NAV1: variants seen among roughly 807,000 people sequenced by gnomAD.
The protein encoded by NAV1 is pore membrane and/or filament interacting like protein 3.
In NAV1, 18 loss-of-function variants were observed where a neutral mutation model predicts 175.2. The ratio of observed to expected loss-of-function variants is 0.10; its 90% CI spans 0.07 to 0.15. NAV1 has a LOEUF of 0.15. Ranked by LOEUF, NAV1 falls within the 10% of genes least tolerant of loss-of-function variation. The pLI is 1.00. For missense variants in NAV1, 1,731 were observed against 2,436.6 expected, an observed-to-expected ratio of 0.71 and a Z score of 6.10; for synonymous variants, 897 against 978.7, an observed-to-expected ratio of 0.92 and a Z score of 1.56.
intron 1 of NAV1, among the ~76,000 whole-genome samples, chr1:201,705,688 C>T (rs550247598): frequency 6.6e-6 from 1 of 152,238 alleles, no homozygotes; most frequent in Non-Finnish European, 1.5e-5. Flanking sequence ...CCTGCATCCT[C>T]CATGGAAATG....
At chr1:201,756,844 CTT>C (rs1451089162) in intron 3 of NAV1, among the ~76,000 whole-genome samples, 25 of 126,254 alleles carry the variant, frequency 2.0e-4, no homozygotes, top group Non-Finnish European at 2.1e-4. Context: ...TTCTTTCTTT[CTT>C]TCTTTCTTTC....
intron 2 of NAV1, among the ~76,000 whole-genome samples, chr1:201,610,186 A>G (rs1311010717): frequency 1.3e-5 from 2 of 152,186 alleles, no homozygotes; most frequent in East Asian, 3.8e-4. Flanking sequence ...GCCCCCTGTG[A>G]TTTGTGGGAC....
intron 1 of NAV1, among the ~76,000 whole-genome samples, chr1:201,547,069 C>T (rs888910948): frequency 1.3e-4 from 19 of 151,664 alleles, no homozygotes; most frequent in African/African-American, 4.6e-4. Flanking sequence ...TCACCGTAAC[C>T]TCCGTCTCCC....
intron 1 of NAV1, among the ~76,000 whole-genome samples, chr1:201,541,465 T>A (rs968525320): frequency 6.6e-6 from 1 of 152,208 alleles, no homozygotes; most frequent in Admixed American, 6.5e-5. Flanking sequence ...GGATCTGGCT[T>A]CTTTGATAAA....
At chr1:201,652,069 G>A (rs774626178) in intron 1 of NAV1, among the ~76,000 whole-genome samples, 4 of 152,120 alleles carry the variant, frequency 2.6e-5, no homozygotes, top group Admixed American at 6.5e-5. Flanking sequence ...TCAGGTATCA[G>A]ACAGGCCCTC....
At position 201,740,092 on chromosome 1, in the gene NAV1, C is replaced by T; in HGVS notation, c.1226+21337C>T. On this transcript the variant is annotated intron_variant, in intron 3 of 29. Transcript: ENST00000367296. This position sits in a 1 kb window ranked among gnomAD's most constrained non-coding sequence, Gnocchi z 4.7. ...TCCCCCGCAGGTAAGCGCCCCCACC[C>T]CCCTGGCCTCACCGCCAGACCGCAG... 2 of 1,439,404 alleles carry T rather than the reference C, an allele frequency of 1.4e-6. No individual in the cohort carries two copies. The highest frequency in any genetic ancestry group is 1.5e-5 in the African/African-American group (1 of 67,698). 89.2% of individuals were successfully genotyped at this position (1,439,404 alleles called of 1,614,324 possible).
intron 28 of NAV1, among the ~76,000 whole-genome samples, chr1:201,815,761 G>A (rs1459070290): frequency 5.9e-5 from 9 of 152,044 alleles, no homozygotes; most frequent in Non-Finnish European, 8.8e-5. Context: ...TTTTTGAGAC[G>A]GAGTTTCACT....
At chr1:201,580,583 G>A (rs1001318673) in intron 1 of NAV1, among the ~76,000 whole-genome samples, 1 of 152,110 alleles carries the variant, frequency 6.6e-6, no homozygotes, top group Non-Finnish European at 1.5e-5. Flanking sequence ...GACCAGCCTG[G>A]CCAACATGGT....
chr1:201,823,046 C>G (rs925918831), exon 30 of NAV1: 2 of 152,616 alleles, frequency 1.3e-5, no homozygotes, highest in Admixed American at 6.5e-5. Context: ...AACACTGGGT[C>G]CCATAGCTAA....
rs35341000 is a variant in NAV1, at chr1:201,784,569, A to ATTT, written c.2805-727_2805-725dup. On this transcript the variant is annotated intron_variant, in intron 7 of 29. Coordinates refer to ENST00000367296, the Ensembl canonical transcript of NAV1. ...GTTTTTACCTACCATAATACGATCT[A>ATTT]TTTTTTTTTTTTTTTTGAGATGGGG... 5.6e-3 allele frequency among the ~76,000 whole-genome samples: 771 copies of ATTT among 136,858 alleles called. 11 individuals are homozygous for ATTT. The highest frequency in any genetic ancestry group is 0.02 in the African/African-American group (723 of 35,644). The allele number at this position is 136,858 out of a possible 152,430, so 89.8% of individuals were successfully genotyped here.
At chr1:201,793,932 C>A in intron 14 of NAV1, 57 bp downstream of exon 18, 1 of 1,442,484 alleles carries the variant, frequency 6.9e-7, no homozygotes, top group Non-Finnish European at 9.6e-7. Flanking sequence ...TTCTCCTGGA[C>A]AGAGAGGCCG....
chr1:201,658,382 G>A (rs1396833466), intron 1 of NAV1, among the ~76,000 whole-genome samples: 2 of 152,170 alleles, frequency 1.3e-5, no homozygotes, highest in East Asian at 3.9e-4. Flanking sequence ...TAGGGTGTGT[G>A]GGGGCACATG....
chr1:201,569,973 T>C (rs945740733), intron 1 of NAV1, among the ~76,000 whole-genome samples: 1 of 152,202 alleles, frequency 6.6e-6, no homozygotes, highest in African/African-American at 2.4e-5. Context: ...GTCCAGCTCC[T>C]GGGGTTATTG....
chr1:201,710,557 G>A (rs1671863173), intron 1 of NAV1, among the ~76,000 whole-genome samples: 1 of 152,116 alleles, frequency 6.6e-6, no homozygotes. Flanking sequence ...CACAGTGCTG[G>A]GATTATAGGC....
At position 201,554,575 on chromosome 1, in the gene NAV1, A is replaced by G. The variant is rs192208352; in HGVS notation, c.-144+15233A>G. Among the ~76,000 whole-genome samples the G allele has an allele frequency of 3.3e-5, 5 of 152,318 alleles. No homozygotes were observed. The East Asian group carries it at 9.6e-4, about 29-fold the overall frequency. ...TGGGAGAGACTTTTTACAAAGGAAA[A>G]CCGAACAGGACTGGATGACTGTGGA... On this transcript the variant is annotated intron_variant, in intron 1 of 33. Transcript: ENST00000685211.
intron 3 of NAV1, among the ~76,000 whole-genome samples, chr1:201,759,692 G>T (rs1340405264): frequency 6.6e-6 from 1 of 152,222 alleles, no homozygotes; most frequent in Middle Eastern, 3.2e-3. Flanking sequence ...TAAGTGAACA[G>T]CATCTTTCCA....
intron 1 of NAV1, among the ~76,000 whole-genome samples, chr1:201,705,050 C>T (rs973122326): frequency 6.6e-6 from 1 of 152,154 alleles, no homozygotes; most frequent in African/African-American, 2.4e-5. Flanking sequence ...AACTCCTGGG[C>T]TCGAGGTATC....
At chr1:201,691,914 G>A (rs1219630773) in intron 1 of NAV1, among the ~76,000 whole-genome samples, 1 of 152,220 alleles carries the variant, frequency 6.6e-6, no homozygotes, top group Non-Finnish European at 1.5e-5. Context: ...CTGTGGTCTA[G>A]AGACCTCATG....
At chr1:201,745,998 AT>A (rs1009404083) in intron 3 of NAV1, among the ~76,000 whole-genome samples, 9 of 147,812 alleles carry the variant, frequency 6.1e-5, no homozygotes, top group African/African-American at 1.0e-4. Flanking sequence ...TGCTCAGCTA[AT>A]TTTTTTTTTG....
Sources: allele counts gnomAD v4.1 joint callset (sites outside exome capture counted in the v4.1 genomes callset), GRCh38; gene constraint gnomAD v4.1.1; non-coding constraint Gnocchi (gnomAD v3.1); transcripts MANE v1.5; gene names NCBI Gene and HGNC (gene_info 2026-07-23, HGNC 2026-07-21).